The following ERBB4 variants were observed in gnomAD, a reference collection of about 807,000 sequenced individuals.
ERBB4 encodes the protein receptor tyrosine-protein kinase erbB-4.
In ERBB4, 42 loss-of-function variants were observed where a neutral mutation model predicts 158.0. The observed-to-expected ratio is 0.27, with a 90% CI of 0.21 to 0.34. The LOEUF is 0.34. ERBB4 is among the 10% of genes least tolerant of loss of function. The pLI, the probability that ERBB4 is intolerant of heterozygous loss-of-function variation, is 1.00. For synonymous variants in ERBB4, 583 were observed against 558.7 expected, an observed-to-expected ratio of 1.04 and a Z score of -0.61; for missense variants, 1,333 against 1,624.1, an observed-to-expected ratio of 0.82 and a Z score of 3.08.
chr2:212,495,126 C>T (rs901764794), intron 1 of ERBB4, among the ~76,000 whole-genome samples: 1 of 152,124 alleles, frequency 6.6e-6, no homozygotes, highest in African/African-American at 2.4e-5. Flanking sequence ...GATTCTAGCC[C>T]ATGGTGAAAT....
intron 1 of ERBB4, among the ~76,000 whole-genome samples, chr2:212,184,251 C>T (rs2081952085): frequency 2.0e-5 from 3 of 152,044 alleles, no homozygotes; most frequent in Admixed American, 2.0e-4. Flanking sequence ...ATGACCTGGA[C>T]CTCTTTTCCC....
At chr2:212,079,848 T>C (rs1259014390) in intron 2 of ERBB4, among the ~76,000 whole-genome samples, 1 of 152,166 alleles carries the variant, frequency 6.6e-6, no homozygotes, top group African/African-American at 2.4e-5. Context: ...AAATCTATTT[T>C]ATTCAGATAG....
intron 4 of ERBB4, among the ~76,000 whole-genome samples, chr2:211,763,375 G>A (rs1335101389): frequency 2.0e-5 from 3 of 152,054 alleles, no homozygotes; most frequent in Non-Finnish European, 4.4e-5. Context: ...GTTGTCATGG[G>A]AAAACTGAGA....
At chr2:212,052,207 G>T (rs1373223995) in intron 2 of ERBB4, among the ~76,000 whole-genome samples, 1 of 152,192 alleles carries the variant, frequency 6.6e-6, no homozygotes, top group African/African-American at 2.4e-5. Context: ...TCCCATGCTG[G>T]TTGTTTCCTG....
chr2:211,782,133 C>T (rs564558612), intron 4 of ERBB4, among the ~76,000 whole-genome samples: 2 of 152,266 alleles, frequency 1.3e-5, no homozygotes, highest in East Asian at 3.9e-4. Context: ...TGACTCCATA[C>T]TTAGTACTTT....
intron 16 of ERBB4, 197 bp downstream of exon 16, chr2:211,657,550 CTCTTGTA>C: frequency 1.7e-6 from 1 of 575,328 alleles, no homozygotes; most frequent in Non-Finnish European, 3.1e-6. Flanking sequence ...CTAACTGGGA[CTCTTGTA>C]TCACAATGAA....
rs144930925 is a variant in ERBB4 at position 211,950,168 on chromosome 2, C to T, written c.235-2552G>A. Among the ~76,000 whole-genome samples the T allele has an allele frequency of 8.5e-5, 13 of 152,218 alleles. No homozygotes were observed. In the East Asian group the frequency reaches 2.5e-3, roughly 29 times the overall value. On this transcript the variant is annotated intron_variant, in intron 2 of 27. Coordinates refer to ENST00000342788, the MANE Select transcript of ERBB4 (RefSeq NM_005235.3). ...CTTTGCAAATAACCCCAAGTCTTTACCCAGAAACTGTAATGTCATCTTCCC... is the reference window on the plus strand; with the variant it reads ...CTTTGCAAATAACCCCAAGTCTTTATCCAGAAACTGTAATGTCATCTTCCC...
At chr2:211,407,154 G>C (rs2063164162) in intron 25 of ERBB4, among the ~76,000 whole-genome samples, 1 of 152,068 alleles carries the variant, frequency 6.6e-6, no homozygotes, top group African/African-American at 2.4e-5. Flanking sequence ...ATAAATATTA[G>C]ACACTATGGT....
At position 211,591,228 on chromosome 2, in the gene ERBB4, T is replaced by C. The variant is rs116075871; in HGVS notation, c.2301+27949A>G. Among the ~76,000 whole-genome samples the C allele has an allele frequency of 9.0e-3, 1,377 of 152,294 alleles. 14 individuals carry two copies. The highest frequency in any genetic ancestry group is 0.015 in the Non-Finnish European group (992 of 68,026). ...ATTGTAATCAGAATTATGTGGAAAG[T>C]CGCTAGTTTCAGTTTTCCAATTATA... On this transcript the variant is annotated intron_variant, in intron 19 of 27. Transcript: ENST00000342788.
intron 1 of ERBB4, among the ~76,000 whole-genome samples, chr2:212,184,021 T>C (rs1236921868): frequency 2.0e-5 from 3 of 152,168 alleles, no homozygotes. Flanking sequence ...ATCATATTTA[T>C]GAAGTGACCA....
At chr2:212,065,029 T>C (rs868537742) in intron 2 of ERBB4, among the ~76,000 whole-genome samples, 2 of 130,952 alleles carry the variant, frequency 1.5e-5, no homozygotes, top group Non-Finnish European at 3.2e-5. Context: ...GTGTGTGTGT[T>C]GTGTGTGTGT....
intron 20 of ERBB4, among the ~76,000 whole-genome samples, chr2:211,519,139 G>A (rs1200858205): frequency 2.6e-5 from 4 of 151,998 alleles, no homozygotes; most frequent in Admixed American, 6.5e-5. Flanking sequence ...CAGTGGCTCC[G>A]TCCAAGCATC....
chr2:212,468,730 G>C (rs1029002106), intron 1 of ERBB4, among the ~76,000 whole-genome samples: 4 of 152,170 alleles, frequency 2.6e-5, no homozygotes, highest in African/African-American at 9.7e-5. Flanking sequence ...AACCAATGCT[G>C]GGAGTATATC....
At chr2:211,924,182 C>T (rs187633188) in intron 3 of ERBB4, among the ~76,000 whole-genome samples, 1 of 152,288 alleles carries the variant, frequency 6.6e-6, no homozygotes, top group East Asian at 1.9e-4. Context: ...TATGGACATC[C>T]AAAGGCTGTT....
intron 16 of ERBB4, among the ~76,000 whole-genome samples, chr2:211,652,471 T>C (rs2071029167): frequency 6.6e-6 from 1 of 152,092 alleles, no homozygotes; most frequent in East Asian, 1.9e-4. Flanking sequence ...AGTTATGAAC[T>C]TAAGTTCCTT....
intron 2 of ERBB4, among the ~76,000 whole-genome samples, chr2:212,103,800 A>T (rs1299927503): frequency 6.6e-6 from 1 of 152,000 alleles, no homozygotes; most frequent in Non-Finnish European, 1.5e-5. Context: ...ATTAAACATG[A>T]TTTAAAAGAG....
chr2:211,851,219 A>G (rs1211648962), intron 3 of ERBB4, among the ~76,000 whole-genome samples: 1 of 151,970 alleles, frequency 6.6e-6, no homozygotes, highest in African/African-American at 2.4e-5. Flanking sequence ...AAAATTCACA[A>G]GTGAAATAAC....
At chr2:212,307,607 T>C (rs940903208) in intron 1 of ERBB4, among the ~76,000 whole-genome samples, 1 of 151,022 alleles carries the variant, frequency 6.6e-6, no homozygotes, top group Admixed American at 6.6e-5. Context: ...TTTATCTACA[T>C]GAAAAGCATA....
chr2:212,323,670 A>G (rs181930548), intron 1 of ERBB4, among the ~76,000 whole-genome samples: 1 of 150,810 alleles, frequency 6.6e-6, no homozygotes, highest in East Asian at 2.0e-4. Context: ...ACACAAAGTA[A>G]ACAAAGTATA....
Sources: allele counts gnomAD v4.1 joint callset (sites outside exome capture counted in the v4.1 genomes callset), GRCh38; gene constraint gnomAD v4.1.1; transcripts MANE v1.5; gene names NCBI Gene and HGNC (gene_info 2026-07-23, HGNC 2026-07-21).